Variants in OPCML observed in about 807,000 individuals in gnomAD.
OPCML encodes the protein opioid-binding protein/cell adhesion molecule.
A neutral mutation model predicts 37.8 loss-of-function variants in OPCML; 13 were observed. The ratio of observed to expected loss-of-function variants is 0.34; its 90% CI spans 0.22 to 0.55. The LOEUF (loss-of-function observed/expected upper bound fraction) is 0.55, where lower values mean the gene tolerates loss of function less well. Ranked by LOEUF, OPCML falls within the 20% of genes least tolerant of loss-of-function variation. The pLI is 0.91. For synonymous variants in OPCML, 176 were observed against 168.8 expected, an observed-to-expected ratio of 1.04 and a Z score of -0.33; for missense variants, 341 against 435.6, an observed-to-expected ratio of 0.78 and a Z score of 1.93.
intron 1 of OPCML, among the ~76,000 whole-genome samples, chr11:133,314,522 C>T (rs990979973): frequency 6.6e-6 from 1 of 151,060 alleles, no homozygotes; most frequent in Non-Finnish European, 1.5e-5. Flanking sequence ...CAAAACCTTC[C>T]TCTGCTATGT....
At chr11:132,615,932 C>G in intron 3 of OPCML, among the ~76,000 whole-genome samples, 1 of 152,196 alleles carries the variant, frequency 6.6e-6, no homozygotes, top group South Asian at 2.1e-4. Context: ...GCCACAATTG[C>G]GAGATGCATA....
chr11:132,855,720 G>A (rs1434568597), intron 2 of OPCML, among the ~76,000 whole-genome samples: 2 of 152,134 alleles, frequency 1.3e-5, no homozygotes, highest in Non-Finnish European at 2.9e-5. Flanking sequence ...GAGTGCCTGA[G>A]GCAGAACCAC....
intron 1 of OPCML, among the ~76,000 whole-genome samples, chr11:133,480,725 T>C (rs187780533): frequency 2.6e-5 from 4 of 152,382 alleles, no homozygotes; most frequent in Admixed American, 2.0e-4. Flanking sequence ...TGTATTATTA[T>C]GCATCTATTC....
chr11:132,761,046 T>G (rs1946242517), intron 2 of OPCML, among the ~76,000 whole-genome samples: 1 of 152,164 alleles, frequency 6.6e-6, no homozygotes, highest in Non-Finnish European at 1.5e-5. Context: ...TTATTTGTCC[T>G]TTGCTTATGA....
intron 3 of OPCML, among the ~76,000 whole-genome samples, chr11:132,622,861 A>G (rs1409838815): frequency 6.6e-6 from 1 of 152,158 alleles, no homozygotes; most frequent in Non-Finnish European, 1.5e-5. Context: ...GTGGACAGGA[A>G]AAGAATTTGG....
chr11:133,514,002 C>G (rs1274052034), intron 1 of OPCML, among the ~76,000 whole-genome samples: 2 of 152,174 alleles, frequency 1.3e-5, no homozygotes, highest in African/African-American at 4.8e-5. Context: ...ACACACCAAG[C>G]CCCTCTAGGG....
Position 132,850,913 on chromosome 11 carries a change from C to T in OPCML, c.146+92013G>A, listed in dbSNP as rs80333506. 3.7e-3 allele frequency among the ~76,000 whole-genome samples: 560 copies of T among 152,274 alleles called. 3 individuals are homozygous for T. The highest frequency in any genetic ancestry group is 0.013 in the African/African-American group (534 of 41,556). ...CTTTACCATCCTTTCTAAATAAAGG[C>T]CAAATATAGGCAAAGAAGATAATAT... On this transcript the variant is annotated intron_variant, in intron 2 of 7. Coordinates refer to ENST00000524381, the MANE Select transcript of OPCML (RefSeq NM_001012393.5).
At chr11:132,595,284 A>G (rs904514167) in intron 3 of OPCML, among the ~76,000 whole-genome samples, 1 of 152,166 alleles carries the variant, frequency 6.6e-6, no homozygotes, top group Non-Finnish European at 1.5e-5. Context: ...TAAAAAATAT[A>G]GCACGTTGTG....
chr11:133,058,879 C>T (rs1346510778), intron 1 of OPCML, among the ~76,000 whole-genome samples: 1 of 152,210 alleles, frequency 6.6e-6, no homozygotes, highest in African/African-American at 2.4e-5. Context: ...AAAATGAAGC[C>T]TGAAGTGTGA....
At chr11:132,676,362 G>A (rs1467107426) in intron 2 of OPCML, among the ~76,000 whole-genome samples, 1 of 151,994 alleles carries the variant, frequency 6.6e-6, no homozygotes, top group East Asian at 1.9e-4. Flanking sequence ...TAGTCTTTGG[G>A]ACTGGATTAA....
rs928575618 is a variant in OPCML at position 133,212,303 on chromosome 11, G to A, written c.62-269293C>T. 2.6e-5 allele frequency among the ~76,000 whole-genome samples: 4 copies of A among 152,002 alleles called. No homozygotes were observed. Among genetic ancestry groups the A allele is most frequent in the Admixed American group, 6.6e-5 (1 of 15,242 alleles). On this transcript the variant is annotated intron_variant, in intron 1 of 7. Coordinates refer to ENST00000524381, the MANE Select transcript of OPCML (RefSeq NM_001012393.5). The surrounding 1 kb of genome is among the most constrained non-coding windows in gnomAD (Gnocchi z 4.9). ...CCTACACAGCTGGGCATCATCTACC[G>A]CCCTGCTTCCCATTTCCTCTCAGAT...
intron 3 of OPCML, among the ~76,000 whole-genome samples, chr11:132,578,100 T>C (rs2096454788): frequency 6.6e-6 from 1 of 152,222 alleles, no homozygotes; most frequent in South Asian, 2.1e-4. Context: ...GGTGTCTAAG[T>C]TATGTATGCA....
chr11:132,647,898 T>C (rs1941238099), intron 3 of OPCML, among the ~76,000 whole-genome samples: 1 of 152,242 alleles, frequency 6.6e-6, no homozygotes, highest in Non-Finnish European at 1.5e-5. Flanking sequence ...CTTCAATTTC[T>C]ATGCCTATAG....
intron 1 of OPCML, among the ~76,000 whole-genome samples, chr11:133,401,823 A>G (rs969166707): frequency 6.6e-6 from 1 of 152,136 alleles, no homozygotes; most frequent in African/African-American, 2.4e-5. Flanking sequence ...GCTTTCAGTG[A>G]GTGGGGAAAT....
intron 2 of OPCML, among the ~76,000 whole-genome samples, chr11:132,669,685 G>A (rs1314803993): frequency 1.3e-5 from 2 of 152,164 alleles, no homozygotes; most frequent in Non-Finnish European, 2.9e-5. Flanking sequence ...ACAGTACAAG[G>A]CAAAGCCATT....
chr11:132,866,307 A>T (rs1942549659), intron 2 of OPCML, among the ~76,000 whole-genome samples: 3 of 152,234 alleles, frequency 2.0e-5, no homozygotes, highest in Admixed American at 1.3e-4. Context: ...ATTCTGCCAC[A>T]CCAAGGGGAT....
intron 1 of OPCML, among the ~76,000 whole-genome samples, chr11:133,224,552 G>T (rs1051359178): frequency 1.3e-4 from 20 of 152,164 alleles, no homozygotes; most frequent in African/African-American, 4.6e-4. Flanking sequence ...AGTCCCTGTA[G>T]CCTGCCCAGA....
chr11:133,333,242 A>G (rs113613440), intron 1 of OPCML, among the ~76,000 whole-genome samples: 2 of 152,114 alleles, frequency 1.3e-5, no homozygotes, highest in Non-Finnish European at 2.9e-5. Context: ...TATTTTTAGT[A>G]GAGACTGGGT....
chr11:133,304,150 G>T lies in OPCML; in HGVS notation c.61+228114C>A, dbSNP rs184901537. ...GCTCTACATGACTGAATCCACAAGG[G>T]AGGTAAGCGTCTACTGCCAACAGCT... On this transcript the variant is annotated intron_variant, in intron 1 of 7. Coordinates refer to ENST00000524381, the MANE Select transcript of OPCML (RefSeq NM_001012393.5). 1.6e-3 allele frequency among the ~76,000 whole-genome samples: 250 copies of T among 152,320 alleles called. 5 individuals carry two copies. Among genetic ancestry groups the T allele is most frequent in the Middle Eastern group, 0.01 (3 of 294 alleles).
Sources: allele counts gnomAD v4.1 joint callset (sites outside exome capture counted in the v4.1 genomes callset), GRCh38; gene constraint gnomAD v4.1.1; non-coding constraint Gnocchi (gnomAD v3.1); transcripts MANE v1.5; gene names NCBI Gene and HGNC (gene_info 2026-07-23, HGNC 2026-07-21).